The following RYR2 variants were observed in gnomAD, a reference collection of about 807,000 sequenced individuals.
RYR2 encodes cardiac muscle ryanodine receptor-calcium release channel.
RYR2 carries 227 observed loss-of-function variants against 601.1 expected under a neutral mutation model. The observed-to-expected ratio is 0.38, with a 90% CI of 0.34 to 0.42. RYR2 has a LOEUF of 0.42. RYR2 is among the 10% of genes least tolerant of loss of function. The probability of loss-of-function intolerance (pLI) is 1.00; values close to 1 mark genes in which losing one functional copy is unlikely to be tolerated. For missense variants in RYR2, 4,646 were observed against 6,156.5 expected (o/e 0.75, Z 8.21); for synonymous variants, 2,223 against 2,175.1 (o/e 1.02, Z -0.61).
intron 1 of RYR2, among the ~76,000 whole-genome samples, chr1:237,127,588 C>G (rs559805478): frequency 6.7e-6 from 1 of 149,788 alleles, no homozygotes; most frequent in Non-Finnish European, 1.5e-5. Context: ...CCCTCCCGGA[C>G]GGGGTGGCTG....
intron 102 of RYR2, chr1:237,830,196 A>G (rs968507107): frequency 4.4e-6 from 1 of 225,526 alleles, no homozygotes; most frequent in African/African-American, 2.3e-5. Context: ...ACTTTAGTCA[A>G]TGTCATGAAC....
At chr1:237,548,215 G>T (rs1328777869) in intron 25 of RYR2, among the ~76,000 whole-genome samples, 1 of 152,082 alleles carries the variant, frequency 6.6e-6, no homozygotes, top group Non-Finnish European at 1.5e-5. Context: ...TGTCTTATTG[G>T]TGTAAAAACA....
chr1:237,251,719 C>G (rs950115424), intron 1 of RYR2, among the ~76,000 whole-genome samples: 8 of 152,170 alleles, frequency 5.3e-5, no homozygotes, highest in African/African-American at 1.7e-4. Flanking sequence ...TGACATTTTT[C>G]TTGAATTCCA....
At chr1:237,391,650 T>C (rs913727537) in intron 10 of RYR2, among the ~76,000 whole-genome samples, 2 of 152,190 alleles carry the variant, frequency 1.3e-5, no homozygotes, top group Non-Finnish European at 2.9e-5. Context: ...TACATAACTG[T>C]AATTGTAGCT....
At chr1:237,115,342 G>C (rs918050424) in intron 1 of RYR2, among the ~76,000 whole-genome samples, 1 of 152,096 alleles carries the variant, frequency 6.6e-6, no homozygotes, top group Admixed American at 6.5e-5. Flanking sequence ...TGATAGGCTT[G>C]GAGGAAAATC....
intron 48 of RYR2, among the ~76,000 whole-genome samples, chr1:237,646,522 CCAAGTA>C (rs1355969568): frequency 1.3e-5 from 2 of 152,110 alleles, no homozygotes; most frequent in Non-Finnish European, 2.9e-5. Context: ...ATAAGCATCA[CCAAGTA>C]GCAGTAATAA....
At chr1:237,715,007 A>T (rs1473701945) in intron 71 of RYR2, among the ~76,000 whole-genome samples, 2 of 137,024 alleles carry the variant, frequency 1.5e-5, no homozygotes, top group Non-Finnish European at 1.6e-5. Flanking sequence ...AAAAAAAAAA[A>T]AAAAAAAAAA....
At chr1:237,706,163 C>A (rs1180879100) in intron 67 of RYR2, among the ~76,000 whole-genome samples, 5 of 152,074 alleles carry the variant, frequency 3.3e-5, no homozygotes, top group South Asian at 2.1e-4. Context: ...GCATGAGAAT[C>A]GCTTGAACTG....
At chr1:237,716,909 T>G (rs1200391865) in intron 71 of RYR2, among the ~76,000 whole-genome samples, 1 of 152,178 alleles carries the variant, frequency 6.6e-6, no homozygotes, top group Non-Finnish European at 1.5e-5. Flanking sequence ...TAGAATTTTT[T>G]ATATATTTAT....
At chr1:237,120,364 C>T (rs1670638542) in intron 1 of RYR2, among the ~76,000 whole-genome samples, 1 of 152,142 alleles carries the variant, frequency 6.6e-6, no homozygotes, top group African/African-American at 2.4e-5. Flanking sequence ...CTATTTAGCT[C>T]CACTTGAATT....
intron 27 of RYR2, among the ~76,000 whole-genome samples, chr1:237,555,363 G>T (rs1670777762): frequency 6.6e-6 from 1 of 151,974 alleles, no homozygotes; most frequent in Non-Finnish European, 1.5e-5. Flanking sequence ...TAACATTTGT[G>T]CATCCCTAGA....
intron 35 of RYR2, among the ~76,000 whole-genome samples, chr1:237,607,895 C>T (rs766633708): frequency 1.6e-4 from 25 of 152,142 alleles, no homozygotes; most frequent in Non-Finnish European, 3.1e-4. Flanking sequence ...ATGGGGTTCA[C>T]AGTATCCGTT....
rs528967010 is a variant in RYR2, at chr1:237,278,395, AT to A, written c.168+7786del. ...TGTCAGCCACCGTACCTGCCTGGGAATTTTTTTAAAGCTCAAATTGGATAAG... is the reference window on the plus strand; with the variant it reads ...TGTCAGCCACCGTACCTGCCTGGGAATTTTTTAAAGCTCAAATTGGATAAG... On this transcript the variant is annotated intron_variant, in intron 2 of 104. Transcript: ENST00000366574. Among the ~76,000 whole-genome samples the A allele has an allele frequency of 9.2e-4, 140 of 151,682 alleles. No homozygotes were observed. The Middle Eastern group carries it at 0.017, about 19-fold the overall frequency.
At chr1:237,812,289 C>G (rs1661335686) in intron 100 of RYR2, among the ~76,000 whole-genome samples, 1 of 152,096 alleles carries the variant, frequency 6.6e-6, no homozygotes, top group Non-Finnish European at 1.5e-5. Flanking sequence ...TATTTTTATA[C>G]CAGGCACTCG....
chr1:237,552,495 A>C (rs1279888317), intron 27 of RYR2, among the ~76,000 whole-genome samples: 1 of 152,066 alleles, frequency 6.6e-6, no homozygotes, highest in Non-Finnish European at 1.5e-5. Flanking sequence ...ACTACCGAAA[A>C]CACCTCCAAT....
At chr1:237,791,615 G>C in intron 93 of RYR2, 100 bp downstream of exon 93, 1 of 671,116 alleles carries the variant, frequency 1.5e-6, no homozygotes, top group Admixed American at 2.5e-5. Flanking sequence ...TAGTGAACAT[G>C]TCTAAACCTA....
chr1:237,825,697 A>G (rs1053748012), intron 101 of RYR2, among the ~76,000 whole-genome samples: 8 of 152,214 alleles, frequency 5.3e-5, no homozygotes, highest in Non-Finnish European at 1.2e-4. Context: ...GCTTCTGCCT[A>G]GCAAAAGAAA....
intron 2 of RYR2, among the ~76,000 whole-genome samples, chr1:237,283,428 C>A (rs1185994297): frequency 6.6e-6 from 1 of 152,088 alleles, no homozygotes; most frequent in Admixed American, 6.6e-5. Context: ...TTTACTTTGG[C>A]GTTTCTCAAA....
At chr1:237,674,651 A>G (rs1685240973) in intron 59 of RYR2, 80 bp from the exon 60 acceptor site, 2 of 724,658 alleles carry the variant, frequency 2.8e-6, no homozygotes, top group Non-Finnish European at 5.0e-6. Context: ...ATATACACAT[A>G]TATATATACA....
Sources: allele counts gnomAD v4.1 joint callset (sites outside exome capture counted in the v4.1 genomes callset), GRCh38; gene constraint gnomAD v4.1.1; transcripts MANE v1.5; gene names NCBI Gene and HGNC (gene_info 2026-07-23, HGNC 2026-07-21).